The following COG5 variants were observed in gnomAD, a reference collection of about 807,000 sequenced individuals.
COG5 encodes conserved oligomeric Golgi complex subunit 5.
In COG5, 86 loss-of-function variants were observed where a neutral mutation model predicts 110.4. The observed-to-expected ratio is 0.78, with a 90% CI of 0.65 to 0.93. The LOEUF (loss-of-function observed/expected upper bound fraction) is 0.93, where lower values mean the gene tolerates loss of function less well. Among genes scored for constraint, COG5 ranks in the 40% least tolerant of loss-of-function variants. COG5 has a pLI of 0.00. For missense variants in COG5, 1,077 were observed against 987.0 expected, an observed-to-expected ratio of 1.09 and a Z score of -1.22; for synonymous variants, 360 against 334.6, an observed-to-expected ratio of 1.08 and a Z score of -0.83.
At chr7:107,427,228 G>A (rs1584809298) in intron 6 of COG5, among the ~76,000 whole-genome samples, 1 of 152,152 alleles carries the variant, frequency 6.6e-6, no homozygotes, top group East Asian at 1.9e-4. Flanking sequence ...GGAAAATAAT[G>A]GAGGGTTCCA....
chr7:107,371,224 C>G (rs532556343), intron 8 of COG5, among the ~76,000 whole-genome samples: 37 of 152,292 alleles, frequency 2.4e-4, no homozygotes, highest in African/African-American at 8.7e-4. Flanking sequence ...ATTCTTTCAT[C>G]TCTTTTTATC....
chr7:107,510,302 G>A (rs527445161), intron 6 of COG5, among the ~76,000 whole-genome samples: 1 of 152,030 alleles, frequency 6.6e-6, no homozygotes, highest in Non-Finnish European at 1.5e-5. Context: ...AGACAAAGAA[G>A]GCCATTACAT....
chr7:107,421,067 G>C (rs1793253797), intron 6 of COG5, among the ~76,000 whole-genome samples: 1 of 152,156 alleles, frequency 6.6e-6, no homozygotes, highest in African/African-American at 2.4e-5. Context: ...ATTGCTCAGA[G>C]CCAATGGAAA....
At position 107,236,438 on chromosome 7, in the gene COG5, TCATC is replaced by T; in HGVS notation, c.2091+8_2091+11del. On this transcript the variant is annotated splice_region_variant and intron_variant, in intron 18 of 21. Transcript: ENST00000297135. ...AAAACATTTTTTCTTTTGTAGTAAT[TCATC>T]AATGTACCTGTGCAAAATCAGCAGC... 1 of 1,581,256 alleles carries T rather than the reference TCATC, an allele frequency of 6.3e-7. No homozygotes were observed. The highest frequency in any genetic ancestry group is 8.7e-7 in the Non-Finnish European group (1 of 1,149,970).
chr7:107,279,639 A>G (rs1277145099), intron 14 of COG5, among the ~76,000 whole-genome samples: 2 of 152,182 alleles, frequency 1.3e-5, no homozygotes, highest in Admixed American at 6.5e-5. Context: ...TTAAGACATT[A>G]GTCAATAATA....
chr7:107,209,208 T>G (rs988546169), intron 21 of COG5: 44 of 984,930 alleles, frequency 4.5e-5, no homozygotes, highest in Admixed American at 6.2e-5. Context: ...CCTGGGAGAG[T>G]TGAGAATGAC....
intron 6 of COG5, among the ~76,000 whole-genome samples, chr7:107,512,834 G>A (rs1316782161): frequency 2.0e-5 from 3 of 151,212 alleles, no homozygotes; most frequent in Admixed American, 2.0e-4. Flanking sequence ...TGGGAAAACT[G>A]GCTAGCCATA....
chr7:107,518,021 T>G (rs535322564), intron 6 of COG5, among the ~76,000 whole-genome samples: 1 of 152,100 alleles, frequency 6.6e-6, no homozygotes, highest in Non-Finnish European at 1.5e-5. Flanking sequence ...AGAAGAATTT[T>G]CAACCCAGAA....
intron 16 of COG5, among the ~76,000 whole-genome samples, chr7:107,248,792 C>T (rs1404756974): frequency 6.6e-6 from 1 of 152,152 alleles, no homozygotes; most frequent in Non-Finnish European, 1.5e-5. Context: ...CGCAAGAAGA[C>T]AGTAGTTCCA....
At chr7:107,426,641 T>G (rs1399028539) in intron 6 of COG5, among the ~76,000 whole-genome samples, 1 of 152,178 alleles carries the variant, frequency 6.6e-6, no homozygotes, top group African/African-American at 2.4e-5. Context: ...GATGACCTAA[T>G]AACTTCTCAA....
intron 17 of COG5, among the ~76,000 whole-genome samples, chr7:107,238,585 C>T (rs1202360164): frequency 6.6e-6 from 1 of 152,172 alleles, no homozygotes; most frequent in Non-Finnish European, 1.5e-5. Context: ...TACAGTTTTC[C>T]ATAATGGCTG....
At chr7:107,306,422 G>A (rs1238213145) in intron 11 of COG5, among the ~76,000 whole-genome samples, 1 of 152,088 alleles carries the variant, frequency 6.6e-6, no homozygotes, top group African/African-American at 2.4e-5. Flanking sequence ...TTTAATTATA[G>A]TTCAGAAAAA....
At chr7:107,388,375 G>A (rs1790358976) in intron 7 of COG5, among the ~76,000 whole-genome samples, 4 of 152,068 alleles carry the variant, frequency 2.6e-5, no homozygotes, top group Admixed American at 2.6e-4. Flanking sequence ...TTATGGGGTG[G>A]CCCAAAAAAT....
Position 107,324,658 on chromosome 7 carries a change from G to T in COG5, c.1027-137C>A, listed in dbSNP as rs987868131. On this transcript the variant is annotated intron_variant, in intron 10 of 21. Coordinates refer to ENST00000297135, the MANE Select transcript of COG5 (RefSeq NM_006348.5). Reference sequence around the variant, plus strand: ...TTAGACATCTAACCATCAAACAATAGAATTATTAATTAAATGGAAATACAA... The same window carrying T: ...TTAGACATCTAACCATCAAACAATATAATTATTAATTAAATGGAAATACAA... The T allele has an allele frequency of 7.2e-6, 4 of 556,644 alleles. No individual in the cohort carries two copies. The South Asian group carries it at 1.1e-4, about 15-fold the overall frequency. The allele number at this position is 556,644 out of a possible 1,614,324, so 34.5% of individuals were successfully genotyped here. A position where few individuals can be genotyped will look rare whatever the true frequency, so the allele number is the denominator to read the frequency against.
intron 1 of COG5, 145 bp from the exon 2 acceptor site, chr7:107,558,260 A>G (rs6964242): frequency 9.1e-6 from 7 of 772,750 alleles, no homozygotes; most frequent in African/African-American, 1.7e-5. Context: ...GCTTACTTTT[A>G]TCATGACCCT....
chr7:107,228,950 T>C (rs1273898850), intron 19 of COG5, among the ~76,000 whole-genome samples: 1 of 152,228 alleles, frequency 6.6e-6, no homozygotes, highest in African/African-American at 2.4e-5. Context: ...TACTGCTTAT[T>C]GATCCTCTAG....
At chr7:107,486,972 T>C (rs1400158352) in intron 6 of COG5, among the ~76,000 whole-genome samples, 1 of 152,110 alleles carries the variant, frequency 6.6e-6, no homozygotes, top group Admixed American at 6.6e-5. Context: ...ACCAAAAAAA[T>C]AGCAGATAGA....
At chr7:107,230,300 T>C (rs577604459) in intron 19 of COG5, among the ~76,000 whole-genome samples, 4 of 152,036 alleles carry the variant, frequency 2.6e-5, no homozygotes, top group Non-Finnish European at 5.9e-5. Flanking sequence ...TAATTATGAA[T>C]TGCCTAGTAT....
At chr7:107,514,955 T>C (rs1176502879) in intron 6 of COG5, among the ~76,000 whole-genome samples, 1 of 152,134 alleles carries the variant, frequency 6.6e-6, no homozygotes, top group African/African-American at 2.4e-5. Flanking sequence ...TCATTATCAG[T>C]TTTATGCTGA....
Sources: allele counts gnomAD v4.1 joint callset (sites outside exome capture counted in the v4.1 genomes callset), GRCh38; gene constraint gnomAD v4.1.1; transcripts MANE v1.5; gene names NCBI Gene and HGNC (gene_info 2026-07-23, HGNC 2026-07-21).